The following NLRP1 variants were observed in gnomAD, a reference collection of about 807,000 sequenced individuals.
NLRP1 encodes the protein NLR family pyrin domain containing 1.
A neutral mutation model predicts 136.7 loss-of-function variants in NLRP1; 94 were observed. That is an observed-to-expected ratio of 0.69 (90% CI 0.58 to 0.82). The LOEUF is 0.82. NLRP1 is among the 40% of genes least tolerant of loss of function. The probability of loss-of-function intolerance (pLI) is 0.00; values close to 1 mark genes in which losing one functional copy is unlikely to be tolerated. For missense variants in NLRP1, 1,575 were observed against 1,802.7 expected (o/e 0.87, Z 2.29); for synonymous variants, 690 against 725.1 (o/e 0.95, Z 0.78).
At chr17:5,561,647 G>T (rs1914769230) in intron 3 of NLRP1, among the ~76,000 whole-genome samples, 1 of 112,576 alleles carries the variant, frequency 8.9e-6, no homozygotes, top group South Asian at 3.0e-4. Context: ...GTTTCACCTT[G>T]TTAGCCAGGA....
At chr17:5,553,855 C>CTTTT (rs71856538) in intron 4 of NLRP1, among the ~76,000 whole-genome samples, 2,724 of 144,396 alleles carry the variant, frequency 0.019, 96 homozygotes, top group African/African-American at 0.066. Context: ...AGACATTTGT[C>CTTTT]TTTTTTTTTT....
intron 16 of NLRP1, 24 bp from the exon 17 acceptor site, chr17:5,515,097 C>T: frequency 6.2e-7 from 1 of 1,601,834 alleles, no homozygotes; most frequent in Non-Finnish European, 8.5e-7. Context: ...AAGAAGGGCT[C>T]CAACCACAGC....
intron 15 of NLRP1, among the ~76,000 whole-genome samples, chr17:5,515,943 C>G (rs1253991101): frequency 6.6e-6 from 1 of 152,140 alleles, no homozygotes; most frequent in Non-Finnish European, 1.5e-5. Context: ...TAGACTGGCA[C>G]CAACCAAAGG....
chr17:5,563,998 TAAAG>T (rs1915042036), intron 3 of NLRP1, among the ~76,000 whole-genome samples: 1 of 152,208 alleles, frequency 6.6e-6, no homozygotes, highest in Non-Finnish European at 1.5e-5. Flanking sequence ...TCAGCATCCT[TAAAG>T]AAAAGAAATT....
Position 5,521,634 on chromosome 17 carries a change from C to T in NLRP1, c.3673G>A (p.Ala1225Thr). ...GAGGTGACGGGAATGAAGCGCAGGG[C>T]ATTATGGATCATTTTCAGGAGGACT... is the stretch of plus-strand genomic sequence containing the variant. ...LGVLLKMIHN[A>T]LRFIPVTSVV... The change falls in exon 13 of 17, where the codon GCC becomes ACC. Residue 1225 changes from alanine (A) to threonine (T), a missense_variant. Transcript: ENST00000572272. The T allele has an allele frequency of 6.2e-7, 1 of 1,614,008 alleles. No individual in the cohort carries two copies. The highest frequency in any genetic ancestry group is 8.5e-7 in the Non-Finnish European group (1 of 1,180,018).
At chr17:5,554,984 T>G (rs1308456260) in intron 4 of NLRP1, among the ~76,000 whole-genome samples, 1 of 150,068 alleles carries the variant, frequency 6.7e-6, no homozygotes, top group Non-Finnish European at 1.5e-5. Flanking sequence ...GTCATGCCAC[T>G]GCACTATTCC....
At chr17:5,502,022 AAC>A (rs1597383819) in intron 15 of NLRP1, 1 of 658,050 alleles carries the variant, frequency 1.5e-6, no homozygotes, top group East Asian at 2.9e-5. Flanking sequence ...CCCCGGGGTG[AAC>A]CAAGGCCAGG....
intron 5 of NLRP1, among the ~76,000 whole-genome samples, chr17:5,546,209 TCATGGATCTGC>T (rs1433015991): frequency 2.0e-5 from 3 of 152,200 alleles, no homozygotes; most frequent in Non-Finnish European, 4.4e-5. Flanking sequence ...CTCATCAGTA[TCATGGATCTGC>T]CATGTCTATT....
chr17:5,523,466 TC>T (rs1242725310), intron 12 of NLRP1, among the ~76,000 whole-genome samples: 2 of 152,110 alleles, frequency 1.3e-5, no homozygotes, highest in Non-Finnish European at 2.9e-5. Flanking sequence ...GTCACTATCT[TC>T]CCCCCCGCTT....
intron 5 of NLRP1, among the ~76,000 whole-genome samples, chr17:5,543,853 CACTT>C (rs1241920855): frequency 6.6e-6 from 1 of 152,022 alleles, no homozygotes; most frequent in African/African-American, 2.4e-5. Context: ...AAGCTGCTGT[CACTT>C]ACTGAGAAAG....
At chr17:5,539,672 T>G in intron 6 of NLRP1, 87 bp from the exon 7 acceptor site, 1 of 1,425,636 alleles carries the variant, frequency 7.0e-7, no homozygotes, top group Non-Finnish European at 9.2e-7. Flanking sequence ...CTTCTCAGCA[T>G]CTGTGGCCTT....
At chr17:5,509,451 T>C (rs1273473044), downstream of NLRP1, among the ~76,000 whole-genome samples, 3 of 152,212 alleles carry the variant, frequency 2.0e-5, no homozygotes, top group Admixed American at 1.3e-4. Context: ...ATGGCCTCTA[T>C]CGGATTCTAG....
chr17:5,542,524 C>T (rs955431290), intron 5 of NLRP1, among the ~76,000 whole-genome samples: 44 of 152,136 alleles, frequency 2.9e-4, no homozygotes, highest in Admixed American at 1.6e-3. Flanking sequence ...AGAAGGAAGT[C>T]GCTTTGGTGA....
At chr17:5,513,607 C>T (rs116314770), downstream of NLRP1, among the ~76,000 whole-genome samples, 743 of 152,272 alleles carry the variant, frequency 4.9e-3, 6 homozygotes, top group African/African-American at 0.016. Context: ...CGATCAGGTA[C>T]GAAGACATTT....
chr17:5,529,281 T>A (rs536225787), intron 12 of NLRP1, among the ~76,000 whole-genome samples: 115 of 36,314 alleles, frequency 3.2e-3, no homozygotes, highest in African/African-American at 0.031. Flanking sequence ...ATTCTATTTT[T>A]TTCCCTTCTA....
chr17:5,532,162 G>A (rs145799407), intron 11 of NLRP1, among the ~76,000 whole-genome samples: 7 of 152,172 alleles, frequency 4.6e-5, no homozygotes, highest in Non-Finnish European at 1.0e-4. Flanking sequence ...CTGGAGAATC[G>A]CTTGAACCTG....
chr17:5,563,768 A>G (rs1915015257), intron 3 of NLRP1, among the ~76,000 whole-genome samples: 1 of 152,218 alleles, frequency 6.6e-6, no homozygotes, highest in Admixed American at 6.5e-5. Flanking sequence ...CAGGAAATGC[A>G]AAGAATCCTT....
chr17:5,558,575 C>G lies in NLRP1; in HGVS notation c.2121G>C (p.Leu707=). Residue 707 remains leucine, a synonymous_variant, in exon 4 of 17, where the codon CTG becomes CTC. Coordinates refer to ENST00000572272, the MANE Select transcript of NLRP1 (RefSeq NM_033004.4). The part of the protein sequence containing the change: ...GRNLMQWVPS[L]QLLLQPHSLE... ...GAGAGTGTGGCTGCAGCAGCAGCTG[C>G]AGGGACGGGACCCACTGCATCAGGT... 6.2e-7 allele frequency: 1 copy of G among 1,613,934 alleles called. No individual in the cohort carries two copies. Among genetic ancestry groups the G allele is most frequent in the Non-Finnish European group, 8.5e-7 (1 of 1,179,978 alleles).
intron 3 of NLRP1, among the ~76,000 whole-genome samples, chr17:5,564,104 C>A (rs11657333): frequency 0.13 from 20,310 of 152,038 alleles, 1,531 homozygotes; most frequent in Middle Eastern, 0.2. Flanking sequence ...TTATGGGGAT[C>A]CATGAGATGG....
Sources: gnomAD v4.1 joint callset for allele counts (sites outside exome capture counted in the v4.1 genomes callset) on GRCh38, gnomAD v4.1.1 for gene constraint, MANE v1.5 for transcripts, NCBI Gene and HGNC (gene_info 2026-07-23, HGNC 2026-07-21) for gene names.